The following PRKN variants were observed in gnomAD, a reference collection of about 807,000 sequenced individuals.
PRKN encodes the protein parkin RBR E3 ubiquitin protein ligase.
PRKN carries 56 observed loss-of-function variants against 59.5 expected under a neutral mutation model. The observed-to-expected ratio is 0.94, with a 90% CI of 0.76 to 1.18. The LOEUF (loss-of-function observed/expected upper bound fraction) is 1.18, where lower values mean the gene tolerates loss of function less well. Ranked by LOEUF, PRKN falls within the 50% of genes most tolerant of loss-of-function variation. The pLI is 0.00. For synonymous variants in PRKN, 250 were observed against 222.1 expected, an observed-to-expected ratio of 1.13 and a Z score of -1.12; for missense variants, 657 against 596.4, an observed-to-expected ratio of 1.10 and a Z score of -1.06.
chr6:162,004,234 T>A (rs1391904896), intron 5 of PRKN, among the ~76,000 whole-genome samples: 1 of 152,140 alleles, frequency 6.6e-6, no homozygotes, highest in Non-Finnish European at 1.5e-5. Flanking sequence ...GCTCTGGTTG[T>A]TTAAAAGTTT....
intron 1 of PRKN, among the ~76,000 whole-genome samples, chr6:162,461,958 A>C (rs144672756): frequency 6.6e-6 from 1 of 152,290 alleles, no homozygotes; most frequent in East Asian, 1.9e-4. Flanking sequence ...TTTGTTTTTT[A>C]TTGCTACAGG....
At chr6:161,935,123 T>C (rs1779305921) in intron 6 of PRKN, among the ~76,000 whole-genome samples, 1 of 152,150 alleles carries the variant, frequency 6.6e-6, no homozygotes, top group Non-Finnish European at 1.5e-5. Flanking sequence ...GCCCACCATA[T>C]GAGGAAACTT....
In PRKN at chr6:161,414,409, C is replaced by T. The variant is rs113775758; in HGVS notation, c.1084-27532G>A. On this transcript the variant is annotated intron_variant, in intron 9 of 11. Transcript: ENST00000366898. This position sits in a 1 kb window ranked among gnomAD's most constrained non-coding sequence, Gnocchi z 5.3. ...CCCAGGCAAAGGTTTCTGCCTGAGA[C>T]AGTCCTTGGCCTCCAGCCACGGCTT... 2.0e-3 allele frequency among the ~76,000 whole-genome samples: 303 copies of T among 152,336 alleles called. 3 individuals are homozygous for T. The highest frequency in any genetic ancestry group is 7.0e-3 in the African/African-American group (293 of 41,568).
chr6:161,692,811 G>A (rs1785853263), intron 7 of PRKN, among the ~76,000 whole-genome samples: 1 of 152,034 alleles, frequency 6.6e-6, no homozygotes, highest in Non-Finnish European at 1.5e-5. Flanking sequence ...TAGCTGGCAT[G>A]GTAGCGCACA....
chr6:162,080,393 T>C (rs937273394), intron 4 of PRKN, among the ~76,000 whole-genome samples: 1 of 151,102 alleles, frequency 6.6e-6, no homozygotes, highest in South Asian at 2.1e-4. Flanking sequence ...AACACTGTAA[T>C]GTTAGTTACA....
intron 7 of PRKN, among the ~76,000 whole-genome samples, chr6:161,743,218 T>TG (rs1397508196): frequency 0.033 from 3,780 of 116,306 alleles, 252 homozygotes; most frequent in African/African-American, 0.11. Context: ...TCTACCTTTT[T>TG]TTTTTTTTTT....
chr6:162,612,259 T>C (rs998466178), intron 1 of PRKN, among the ~76,000 whole-genome samples: 1 of 143,638 alleles, frequency 7.0e-6, no homozygotes, highest in Non-Finnish European at 1.5e-5. Context: ...AAACAGAACC[T>C]CCATAATAGA....
chr6:161,896,326 CA>C (rs1346541008), intron 6 of PRKN, among the ~76,000 whole-genome samples: 6 of 152,184 alleles, frequency 3.9e-5, no homozygotes, highest in African/African-American at 1.4e-4. Flanking sequence ...TAAAAATGGG[CA>C]GCTTCCATTC....
chr6:162,346,334 G>A (rs187649491), intron 2 of PRKN, among the ~76,000 whole-genome samples: 1 of 151,758 alleles, frequency 6.6e-6, no homozygotes, highest in Non-Finnish European at 1.5e-5. Context: ...ATGAAAATTT[G>A]GCTGGGTTCA....
At chr6:162,338,272 T>TACGGTCTCCCTCTCTTTCC (rs1393848757) in intron 2 of PRKN, among the ~76,000 whole-genome samples, 2 of 152,120 alleles carry the variant, frequency 1.3e-5, no homozygotes, top group Non-Finnish European at 2.9e-5. Context: ...TCCCTCTCCC[T>TACGGTCTCCCTCTCTTTCC]ACGGTCTCCC....
rs894243272 is a variant in PRKN at position 161,582,334 on chromosome 6, GTTC to G, written c.872-12921_872-12919del. Among the ~76,000 whole-genome samples, 4 of 152,204 alleles carry G rather than the reference GTTC, an allele frequency of 2.6e-5. No homozygotes were observed. The East Asian group carries it at 5.8e-4, about 22-fold the overall frequency. On this transcript the variant is annotated intron_variant, in intron 7 of 11. Transcript: ENST00000366898. This position sits in a 1 kb window ranked among gnomAD's most constrained non-coding sequence, Gnocchi z 4.4. ...CAATTTAGAGTCTCTAAAGTTGAAA[GTTC>G]TTCTTTGAAGATCTATACATTACAA... is the stretch of plus-strand genomic sequence containing the variant.
chr6:161,407,218 T>C lies in PRKN; in HGVS notation c.1084-20341A>G, dbSNP rs1252156881. Among the ~76,000 whole-genome samples, 1 of 152,106 alleles carries C rather than the reference T, an allele frequency of 6.6e-6. No individual in the cohort carries two copies. Among genetic ancestry groups the C allele is most frequent in the African/African-American group, 2.4e-5 (1 of 41,390 alleles). On this transcript the variant is annotated intron_variant, in intron 9 of 11. Coordinates refer to ENST00000366898, the MANE Select transcript of PRKN (RefSeq NM_004562.3). This position sits in a 1 kb window ranked among gnomAD's most constrained non-coding sequence, Gnocchi z 4.9. ...AAAGTCATACCAAAATTATAACTGC[T>C]AAGAGAGATGTTAATGGTAATTAAT...
At chr6:162,332,983 C>T (rs1783656562) in intron 2 of PRKN, among the ~76,000 whole-genome samples, 1 of 152,148 alleles carries the variant, frequency 6.6e-6, no homozygotes, top group Non-Finnish European at 1.5e-5. Context: ...CTACATGCTG[C>T]TATTTGAAAG....
At chr6:162,556,364 T>TGTGTGTGTGCGTGTGC (rs1554243417) in intron 1 of PRKN, among the ~76,000 whole-genome samples, 2 of 91,172 alleles carry the variant, frequency 2.2e-5, no homozygotes, top group African/African-American at 6.5e-5. Context: ...TGTGTGTGTG[T>TGTGTGTGTGCGTGTGC]GTGTGTGTGT....
chr6:161,962,431 T>A (rs1035391461), intron 6 of PRKN, among the ~76,000 whole-genome samples: 1 of 152,146 alleles, frequency 6.6e-6, no homozygotes, highest in Non-Finnish European at 1.5e-5. Context: ...AAAAAAGTTA[T>A]TTAAACACTG....
chr6:161,668,106 A>AC (rs1784784755), intron 7 of PRKN, among the ~76,000 whole-genome samples: 1 of 152,140 alleles, frequency 6.6e-6, no homozygotes, highest in African/African-American at 2.4e-5. Flanking sequence ...CATACATTTC[A>AC]CAGCTATAAG....
chr6:162,603,554 T>C (rs1022996622), intron 1 of PRKN, among the ~76,000 whole-genome samples: 5 of 152,202 alleles, frequency 3.3e-5, no homozygotes, highest in African/African-American at 1.2e-4. Flanking sequence ...ATTTACCACG[T>C]ATCCCTTACC....
chr6:162,308,997 T>C (rs1031926683), intron 2 of PRKN, among the ~76,000 whole-genome samples: 3 of 152,100 alleles, frequency 2.0e-5, no homozygotes, highest in African/African-American at 7.2e-5. Flanking sequence ...AAACAAACAA[T>C]GTAATTTAGT....
At chr6:162,124,962 G>C (rs1050090790) in intron 4 of PRKN, among the ~76,000 whole-genome samples, 6 of 152,284 alleles carry the variant, frequency 3.9e-5, no homozygotes, top group African/African-American at 1.4e-4. Context: ...GTCTTAGAAA[G>C]TGGGAGCCTG....
Sources: gnomAD v4.1 joint callset for allele counts (sites outside exome capture counted in the v4.1 genomes callset) on GRCh38, gnomAD v4.1.1 for gene constraint, Gnocchi (gnomAD v3.1) non-coding constraint, MANE v1.5 for transcripts, NCBI Gene and HGNC (gene_info 2026-07-23, HGNC 2026-07-21) for gene names.